The following MIDEAS variants were observed in gnomAD, a reference collection of about 807,000 sequenced individuals.
The protein encoded by MIDEAS is mitotic deacetylase-associated SANT domain protein.
MIDEAS carries 26 observed loss-of-function variants against 102.7 expected under a neutral mutation model. The ratio of observed to expected loss-of-function variants is 0.25; its 90% CI spans 0.19 to 0.35. The LOEUF (loss-of-function observed/expected upper bound fraction) is 0.35. MIDEAS is among the 10% of genes least tolerant of loss of function. The pLI, the probability that MIDEAS is intolerant of heterozygous loss-of-function variation, is 1.00. For missense variants in MIDEAS, 1,231 were observed against 1,435.6 expected (o/e 0.86, Z 2.30); for synonymous variants, 585 against 591.0 (o/e 0.99, Z 0.15).
At chr14:73,726,467 C>T in intron 7 of MIDEAS, 137 bp downstream of exon 7, 3 of 834,944 alleles carry the variant, frequency 3.6e-6, no homozygotes, top group Non-Finnish European at 5.6e-6. Context: ...GGTCAAGCCC[C>T]TACAGCCCCT....
chr14:73,784,328 C>G (rs1458342750), intron 1 of MIDEAS, among the ~76,000 whole-genome samples: 1 of 152,208 alleles, frequency 6.6e-6, no homozygotes, highest in South Asian at 2.1e-4. Flanking sequence ...GGCAAGCTCC[C>G]TGAATGCAGA....
chr14:73,727,522 T>C lies in MIDEAS; in HGVS notation c.2098A>G (p.Ser700Gly). 1.2e-6 allele frequency: 2 copies of C among 1,607,568 alleles called. No individual in the cohort carries two copies. Among genetic ancestry groups the C allele is most frequent in the Middle Eastern group, 1.7e-4 (1 of 6,034 alleles). ...SAHRTLLRTN[S>G]AEVTPPVLSV... ...AGGACAGGCGGGGTTACTTCAGCAC[T>C]GTCTATGGGACAAAGAGCAGGTTGA... Residue 700 changes from serine to glycine, a missense_variant and splice_region_variant, in exon 5 of 13, where the codon AGT becomes GGT. By Grantham distance (56) the Ser-to-Gly change is moderately conservative. Transcript: ENST00000423556.
In MIDEAS at chr14:73,737,420, T is replaced by A. The variant is rs914790076; in HGVS notation, c.1450-123A>T. 19 of 1,106,956 alleles carry A rather than the reference T, an allele frequency of 1.7e-5. No homozygotes were observed. The South Asian group carries it at 1.9e-4, about 11-fold the overall frequency. The allele number at this position is 1,106,956 out of a possible 1,614,324, so 68.6% of individuals were successfully genotyped here. A position where few individuals can be genotyped will look rare whatever the true frequency, so the allele number is the denominator to read the frequency against. ...TAAAGGATCACTTGACGCCACAAGT[T>A]CAAGACCAGCCTGGGCAACATAGTG... On this transcript the variant is annotated intron_variant, in intron 2 of 12. Coordinates refer to ENST00000423556, the MANE Select transcript of MIDEAS (RefSeq NM_001367710.1).
At chr14:73,788,365 CT>C (rs1215233615), upstream of MIDEAS, among the ~76,000 whole-genome samples, 1 of 152,154 alleles carries the variant, frequency 6.6e-6, no homozygotes, top group Admixed American at 6.5e-5. Flanking sequence ...AATGCTTCAT[CT>C]TTTTATGAAA....
At position 73,716,704 on chromosome 14, in the gene MIDEAS, A is replaced by AT. The variant is rs1401294953; in HGVS notation, c.*2138_*2139insA. On this transcript the variant is annotated 3_prime_UTR_variant, in exon 13 of 13. Coordinates refer to ENST00000423556, the MANE Select transcript of MIDEAS (RefSeq NM_001367710.1). ...TCTCAAAAAAAAAAAAAAAAAAAAA[A>AT]AAAAATTTTTTTTCCAAGTACAAGA... 1 of 141,112 alleles carries AT rather than the reference A, an allele frequency of 7.1e-6. No individual in the cohort carries two copies. Among genetic ancestry groups the AT allele is most frequent in the Non-Finnish European group, 1.6e-5 (1 of 61,702 alleles). The allele number at this position is 141,112 out of a possible 1,614,324, so 8.7% of individuals were successfully genotyped here. A position where few individuals can be genotyped will look rare whatever the true frequency, so the allele number is the denominator to read the frequency against.
At chr14:73,741,570 C>G (rs1340466806) in intron 1 of MIDEAS, among the ~76,000 whole-genome samples, 1 of 152,264 alleles carries the variant, frequency 6.6e-6, no homozygotes, top group East Asian at 1.9e-4. Flanking sequence ...GCTGGGCGGG[C>G]ACAGGGTCCC....
Position 73,737,238 on chromosome 14 carries a change from C to CCCA in MIDEAS, c.1506_1508dup (p.Gly503dup), listed in dbSNP as rs1201182234. ...CTAAGGAAGGCTCAGAAAACTCCAC[C>CCCA]CCACACTTGGTAGTTGAGGCCAATA... is the stretch of plus-strand genomic sequence containing the variant. On this transcript the variant is annotated inframe_insertion, in exon 3 of 13. Coordinates refer to ENST00000423556, the MANE Select transcript of MIDEAS (RefSeq NM_001367710.1). The CCCA allele has an allele frequency of 6.2e-7, 1 of 1,614,118 alleles. No homozygotes were observed. Among genetic ancestry groups the CCCA allele is most frequent in the Admixed American group, 1.7e-5 (1 of 60,008 alleles).
chr14:73,735,776 A>G (rs1276584985), intron 3 of MIDEAS, among the ~76,000 whole-genome samples: 1 of 152,270 alleles, frequency 6.6e-6, no homozygotes, highest in East Asian at 1.9e-4. Context: ...GGGAATAGAT[A>G]TGGATACCCT....
At chr14:73,788,341 A>AC (rs1257917358), upstream of MIDEAS, among the ~76,000 whole-genome samples, 1 of 151,826 alleles carries the variant, frequency 6.6e-6, no homozygotes, top group African/African-American at 2.4e-5. Flanking sequence ...GCCAGATAAA[A>AC]CCTCCCCCCT....
At position 73,718,894 on chromosome 14, in the gene MIDEAS, G is replaced by A. The variant is rs1354297117; in HGVS notation, c.3249C>T (p.Ala1083=). 3.3e-6 allele frequency: 5 copies of A among 1,519,168 alleles called. No homozygotes were observed. The highest frequency in any genetic ancestry group is 1.8e-6 in the Non-Finnish European group (2 of 1,140,112). The allele number at this position is 1,519,168 out of a possible 1,614,324, so 94.1% of individuals were successfully genotyped here. ...KEKEAAAAAA[A]AHQQALREES... Reference sequence around the variant, plus strand: ...CCTCCCGCAGGGCCTGCTGGTGGGCGGCGGCGGCGGCAGCAGCGGCCTCTT... The same window carrying A: ...CCTCCCGCAGGGCCTGCTGGTGGGCAGCGGCGGCGGCAGCAGCGGCCTCTT... The change falls in exon 13 of 13, where the codon GCC becomes GCT. Residue 1083 remains alanine, a synonymous_variant. Transcript: ENST00000423556.
chr14:73,777,270 G>A (rs1011559777), intron 1 of MIDEAS, among the ~76,000 whole-genome samples: 9 of 151,866 alleles, frequency 5.9e-5, no homozygotes, highest in African/African-American at 9.7e-5. Flanking sequence ...CAGCAGCATC[G>A]TCACCATGGC....
At position 73,729,621 on chromosome 14, in the gene MIDEAS, G is replaced by T. The variant is rs200347647; in HGVS notation, c.2095+19C>A. On this transcript the variant is annotated intron_variant, in intron 4 of 12. Coordinates refer to ENST00000423556, the MANE Select transcript of MIDEAS (RefSeq NM_001367710.1). ...CCCCAGCCCCGCTCCTGCCAGGGTCGCGGAGGGAGGTCACTCACTAGTCCG... is the reference window on the plus strand; with the variant it reads ...CCCCAGCCCCGCTCCTGCCAGGGTCTCGGAGGGAGGTCACTCACTAGTCCG... 6.3e-7 allele frequency: 1 copy of T among 1,578,164 alleles called. No homozygotes were observed. Among genetic ancestry groups the T allele is most frequent in the Non-Finnish European group, 8.6e-7 (1 of 1,156,616 alleles).
In MIDEAS at chr14:73,733,643, T is replaced by G. The variant is rs1000009687; in HGVS notation, c.1749+3355A>C. Reference sequence around the variant, plus strand: ...AAACAAAAACAAGAACTTTGCATTGTCCAGGAAGAGCTAAAAGTACTAACA... The same window carrying G: ...AAACAAAAACAAGAACTTTGCATTGGCCAGGAAGAGCTAAAAGTACTAACA... On this transcript the variant is annotated intron_variant, in intron 3 of 12. Coordinates refer to ENST00000423556, the MANE Select transcript of MIDEAS (RefSeq NM_001367710.1). Among the ~76,000 whole-genome samples, 23 of 152,138 alleles carry G rather than the reference T, an allele frequency of 1.5e-4. 1 individual carries two copies. Among genetic ancestry groups the G allele is most frequent in the African/African-American group, 4.8e-5 (2 of 41,424 alleles).
rs1566592813 is a variant in MIDEAS, at chr14:73,739,331, G to A, written c.678C>T (p.Asn226=). The change falls in exon 2 of 13, where the codon AAC becomes AAT. Residue 226 remains asparagine, a synonymous_variant. Transcript: ENST00000423556. ...PFQLAFGHQV[N]RQVFRQGPPP... ...GTGGGCCCTGCCGGAAGACCTGCCG[G>A]TTCACCTGGTGGCCGAATGCCAGCT... The A allele has an allele frequency of 6.2e-7, 1 of 1,607,718 alleles. No individual in the cohort carries two copies. The highest frequency in any genetic ancestry group is 2.2e-5 in the East Asian group (1 of 44,786).
In MIDEAS at chr14:73,726,067, G is replaced by C. The variant is rs1272580745; in HGVS notation, c.2451C>G (p.Pro817=). The C allele has an allele frequency of 6.3e-7, 1 of 1,598,656 alleles. No homozygotes were observed. The highest frequency in any genetic ancestry group is 2.3e-5 in the East Asian group (1 of 44,430). The stretch of plus-strand genomic sequence containing the variant: ...GATAAGTTGCCAGCGGATGGTTGTG[G>C]GGCCGCAGGGGCTTCTTCAGCAGCA... ...NKLLLKKPLR[P]HNHPLATYHY... is the part of the protein sequence containing the mutation. Residue 817 remains proline, a synonymous_variant, in exon 8 of 13, where the codon CCC becomes CCG. Transcript: ENST00000423556.
At chr14:73,750,484 G>GTATC (rs767863742) in intron 1 of MIDEAS, among the ~76,000 whole-genome samples, 37 of 152,176 alleles carry the variant, frequency 2.4e-4, no homozygotes, top group Middle Eastern at 3.2e-3. Context: ...CAGACTGGGG[G>GTATC]TATCTGTAAA....
intron 8 of MIDEAS, 29 bp downstream of exon 8, chr14:73,726,004 G>C: frequency 6.4e-7 from 1 of 1,562,618 alleles, no homozygotes; most frequent in Non-Finnish European, 8.7e-7. Flanking sequence ...TGAGGCTCCA[G>C]GCACCATGCC....
chr14:73,746,083 C>T (rs146267284), intron 1 of MIDEAS, among the ~76,000 whole-genome samples: 6 of 152,220 alleles, frequency 3.9e-5, no homozygotes, highest in African/African-American at 1.2e-4. Flanking sequence ...AAAATGCCAA[C>T]CACTGAGATG....
At position 73,727,518 on chromosome 14, in the gene MIDEAS, G is replaced by C; in HGVS notation, c.2102C>G (p.Ala701Gly). The change falls in exon 5 of 13, where the codon GCT (alanine) becomes GGT (glycine). Residue 701 changes from alanine (A) to glycine (G), a missense_variant. Physicochemically the swap from Ala to Gly is moderately conservative, Grantham distance 60 (BLOSUM62 0). This residue lies in a region of MIDEAS where 391 missense variants were observed against 483.0 expected (regional missense o/e 0.81). Coordinates refer to ENST00000423556, the MANE Select transcript of MIDEAS (RefSeq NM_001367710.1). ...AHRTLLRTNS[A>G]EVTPPVLSVM... ...AGAGAGGACAGGCGGGGTTACTTCA[G>C]CACTGTCTATGGGACAAAGAGCAGG... 1 of 1,611,398 alleles carries C rather than the reference G, an allele frequency of 6.2e-7. No individual in the cohort carries two copies. The highest frequency in any genetic ancestry group is 8.5e-7 in the Non-Finnish European group (1 of 1,178,780).
Sources: gnomAD v4.1 joint callset for allele counts (sites outside exome capture counted in the v4.1 genomes callset) on GRCh38, gnomAD v4.1.1 for gene constraint, gnomAD v4.1.1 regional missense constraint, MANE v1.5 for transcripts, NCBI Gene and HGNC (gene_info 2026-07-23, HGNC 2026-07-21) for gene names.